Variants in SNX24 observed in about 807,000 individuals in gnomAD.
SNX24 encodes sorting nexin 24, also known as sorting nexin-24.
SNX24 carries 22 observed loss-of-function variants against 28.7 expected under a neutral mutation model. The observed-to-expected ratio is 0.77, with a 90% CI of 0.55 to 1.10. The LOEUF is 1.10. Ranked by LOEUF, SNX24 falls within the 50% of genes least tolerant of loss-of-function variation. SNX24 has a pLI of 0.00. For synonymous variants in SNX24, 69 were observed against 71.5 expected (o/e 0.96, Z 0.18); for missense variants, 221 against 201.1 (o/e 1.10, Z -0.60).
At chr5:122,942,501 G>A (rs564402873) in intron 2 of SNX24, among the ~76,000 whole-genome samples, 1 of 152,316 alleles carries the variant, frequency 6.6e-6, no homozygotes, top group East Asian at 1.9e-4. Flanking sequence ...TTTTATTCAT[G>A]TACTTGGGAA....
intron 5 of SNX24, among the ~76,000 whole-genome samples, chr5:123,016,643 G>C (rs1331877858): frequency 6.6e-6 from 1 of 152,138 alleles, no homozygotes; most frequent in Non-Finnish European, 1.5e-5. Context: ...GGTGGCAGCA[G>C]TGGAGAGGAT....
chr5:122,952,994 G>C (rs1298547057), intron 3 of SNX24, among the ~76,000 whole-genome samples: 1 of 152,116 alleles, frequency 6.6e-6, no homozygotes, highest in Admixed American at 6.6e-5. Flanking sequence ...AAGTAGGAAA[G>C]GGAATAATAG....
At chr5:122,889,464 T>C (rs1275403565) in intron 1 of SNX24, among the ~76,000 whole-genome samples, 6 of 151,872 alleles carry the variant, frequency 4.0e-5, no homozygotes, top group African/African-American at 1.2e-4. Flanking sequence ...CATTGAAACA[T>C]TTCAGATTTC....
intron 2 of SNX24, among the ~76,000 whole-genome samples, chr5:122,942,961 G>A (rs1467590522): frequency 6.6e-6 from 1 of 152,048 alleles, no homozygotes; most frequent in Non-Finnish European, 1.5e-5. Flanking sequence ...TTTTTTAAAA[G>A]GAGAGACATA....
chr5:122,957,769 T>G (rs1301307952), intron 3 of SNX24, among the ~76,000 whole-genome samples: 2 of 152,248 alleles, frequency 1.3e-5, no homozygotes, highest in African/African-American at 4.8e-5. Flanking sequence ...CCTAAGTATT[T>G]TATTCTCTTT....
At chr5:122,864,254 T>A (rs1377518208) in intron 1 of SNX24, among the ~76,000 whole-genome samples, 2 of 152,178 alleles carry the variant, frequency 1.3e-5, no homozygotes, top group Non-Finnish European at 2.9e-5. Flanking sequence ...GGAAGATGGT[T>A]GGATTCCTGA....
intron 1 of SNX24, among the ~76,000 whole-genome samples, chr5:122,909,907 A>T (rs1382874593): frequency 6.6e-6 from 1 of 152,222 alleles, no homozygotes; most frequent in Non-Finnish European, 1.5e-5. Flanking sequence ...TGGTGTGGTT[A>T]TCTTTCACAA....
At chr5:122,940,233 A>G (rs919734432) in intron 2 of SNX24, among the ~76,000 whole-genome samples, 4 of 152,088 alleles carry the variant, frequency 2.6e-5, no homozygotes, top group African/African-American at 7.2e-5. Context: ...ACCTCAGGTG[A>G]TCCACCCACC....
intron 3 of SNX24, among the ~76,000 whole-genome samples, chr5:122,953,061 T>TCTTTCTTCCTTC (rs1462232694): frequency 3.3e-5 from 5 of 151,934 alleles, no homozygotes; most frequent in Non-Finnish European, 7.4e-5. Context: ...TTTCTTTCTT[T>TCTTTCTTCCTTC]CTTTCTTCCT....
chr5:122,855,658 G>C (rs1755153256), intron 1 of SNX24, among the ~76,000 whole-genome samples: 1 of 152,170 alleles, frequency 6.6e-6, no homozygotes, highest in African/African-American at 2.4e-5. Flanking sequence ...TGCTGCTGCT[G>C]CTTTATCAGC....
At chr5:123,021,230 C>T (rs533149285) in intron 5 of SNX24, among the ~76,000 whole-genome samples, 1 of 151,408 alleles carries the variant, frequency 6.6e-6, no homozygotes, top group Non-Finnish European at 1.5e-5. Flanking sequence ...GTTATATATT[C>T]ATGTAGTATA....
chr5:122,920,351 TG>T (rs1758379361), intron 1 of SNX24, among the ~76,000 whole-genome samples: 1 of 152,168 alleles, frequency 6.6e-6, no homozygotes, highest in African/African-American at 2.4e-5. Context: ...CCTTGAGAAG[TG>T]AATTTGCTGT....
At chr5:122,964,392 G>A (rs1296524639) in intron 3 of SNX24, among the ~76,000 whole-genome samples, 1 of 152,030 alleles carries the variant, frequency 6.6e-6, no homozygotes, top group Non-Finnish European at 1.5e-5. Context: ...GTAAGTAGAG[G>A]TATGCTGTTA....
At chr5:122,983,854 G>A (rs2150158564) in intron 3 of SNX24, among the ~76,000 whole-genome samples, 1 of 152,206 alleles carries the variant, frequency 6.6e-6, no homozygotes, top group Non-Finnish European at 1.5e-5. Context: ...TGACTGTATT[G>A]CTTCTATTTA....
Position 122,993,522 on chromosome 5 carries a change from G to A in SNX24, c.250-6390G>A, listed in dbSNP as rs146534623. On this transcript the variant is annotated intron_variant, in intron 3 of 6. Coordinates refer to ENST00000261369, the MANE Select transcript of SNX24 (RefSeq NM_014035.4). ...TCACTGTGATAGCAGGTATGGTCTC[G>A]ATCTCTTGACCTGGTGATCTGCCCG... 3.8e-4 allele frequency among the ~76,000 whole-genome samples: 58 copies of A among 152,128 alleles called. 1 individual carries two copies. The highest frequency in any genetic ancestry group is 6.5e-4 in the Non-Finnish European group (44 of 67,992).
At chr5:122,929,666 A>G (rs1454810603) in intron 1 of SNX24, among the ~76,000 whole-genome samples, 2 of 152,142 alleles carry the variant, frequency 1.3e-5, no homozygotes, top group African/African-American at 4.8e-5. Context: ...ACAGAGAAAG[A>G]CAAATGCTTT....
At chr5:122,901,865 C>A (rs1156606353) in intron 1 of SNX24, among the ~76,000 whole-genome samples, 1 of 152,174 alleles carries the variant, frequency 6.6e-6, no homozygotes, top group Non-Finnish European at 1.5e-5. Context: ...GTGTCTGTCC[C>A]TGGACATCCT....
intron 3 of SNX24, among the ~76,000 whole-genome samples, chr5:122,954,434 G>T (rs1655136454): frequency 6.6e-6 from 1 of 151,144 alleles, no homozygotes; most frequent in African/African-American, 2.4e-5. Flanking sequence ...ATATAATTGG[G>T]GTTAGTTCAG....
At chr5:122,933,084 C>T (rs905228639) in intron 1 of SNX24, among the ~76,000 whole-genome samples, 1 of 152,134 alleles carries the variant, frequency 6.6e-6, no homozygotes, top group African/African-American at 2.4e-5. Flanking sequence ...GAGCTTTGTT[C>T]TGGCATGTGG....
Sources: gnomAD v4.1 joint callset for allele counts (sites outside exome capture counted in the v4.1 genomes callset) on GRCh38, gnomAD v4.1.1 for gene constraint, MANE v1.5 for transcripts, NCBI Gene and HGNC (gene_info 2026-07-23, HGNC 2026-07-21) for gene names.